The following PDZRN4 variants were observed in gnomAD, a reference collection of about 807,000 sequenced individuals.
PDZRN4 encodes the protein PDZ domain-containing RING finger protein 4.
PDZRN4 carries 70 observed loss-of-function variants against 99.0 expected under a neutral mutation model. The ratio of observed to expected loss-of-function variants is 0.71; its 90% CI spans 0.58 to 0.86. The LOEUF is 0.86. Ranked by LOEUF, PDZRN4 falls within the 40% of genes least tolerant of loss-of-function variation. The pLI is 0.00. For synonymous variants in PDZRN4, 551 were observed against 501.6 expected (o/e 1.10, Z -1.32); for missense variants, 1,474 against 1,331.2 (o/e 1.11, Z -1.67).
intron 3 of PDZRN4, among the ~76,000 whole-genome samples, chr12:41,475,011 C>T (rs746531479): frequency 6.6e-6 from 1 of 152,108 alleles, no homozygotes; most frequent in Non-Finnish European, 1.5e-5. Context: ...GACATAGATA[C>T]CTGAATTTCC....
chr12:41,341,375 A>G (rs931471253), intron 3 of PDZRN4, among the ~76,000 whole-genome samples: 1 of 151,830 alleles, frequency 6.6e-6, no homozygotes, highest in African/African-American at 2.4e-5. Flanking sequence ...GCAAAAAAAG[A>G]AATAAAAGGC....
chr12:41,484,676 C>T (rs770234016), intron 3 of PDZRN4, among the ~76,000 whole-genome samples: 1 of 152,134 alleles, frequency 6.6e-6, no homozygotes, highest in Non-Finnish European at 1.5e-5. Flanking sequence ...ACCAAGGAGT[C>T]CAAAGACCAG....
chr12:41,548,452 G>A (rs1167763944), intron 5 of PDZRN4, among the ~76,000 whole-genome samples: 3 of 152,192 alleles, frequency 2.0e-5, no homozygotes, highest in South Asian at 2.1e-4. Flanking sequence ...AAAAGTGCAT[G>A]TATTGTCTAA....
At chr12:41,454,879 A>G (rs1488933199) in intron 3 of PDZRN4, among the ~76,000 whole-genome samples, 7 of 152,218 alleles carry the variant, frequency 4.6e-5, no homozygotes, top group Non-Finnish European at 1.5e-5. Flanking sequence ...GAAATATTCT[A>G]TATTTGTTCC....
chr12:41,334,142 CT>C (rs1333336242), intron 3 of PDZRN4, among the ~76,000 whole-genome samples: 2 of 152,094 alleles, frequency 1.3e-5, no homozygotes, highest in Non-Finnish European at 2.9e-5. Context: ...ACCTTTGCCT[CT>C]TCATTAGCAT....
intron 5 of PDZRN4, among the ~76,000 whole-genome samples, chr12:41,549,120 G>T (rs1199509848): frequency 6.6e-6 from 1 of 152,140 alleles, no homozygotes; most frequent in Admixed American, 6.6e-5. Flanking sequence ...TGCCATCCAT[G>T]CAGGCTTGGC....
intron 3 of PDZRN4, among the ~76,000 whole-genome samples, chr12:41,430,777 A>G (rs972603231): frequency 3.3e-5 from 5 of 152,246 alleles, no homozygotes; most frequent in African/African-American, 1.2e-4. Context: ...TCATATTGCT[A>G]TAAAGAAATA....
At position 41,454,220 on chromosome 12, in the gene PDZRN4, A is replaced by G. The variant is rs1592065542; in HGVS notation, c.844-52236A>G. On this transcript the variant is annotated intron_variant, in intron 3 of 9. Coordinates refer to ENST00000402685, the MANE Select transcript of PDZRN4 (RefSeq NM_001164595.2). ...CTTTGTGTTCAACAAATTGCAGAAC[A>G]GCAAGATATCTCTGCAATACTCACA... Among the ~76,000 whole-genome samples, 5 of 152,216 alleles carry G rather than the reference A, an allele frequency of 3.3e-5. No individual in the cohort carries two copies. The South Asian group carries it at 1.0e-3, about 32-fold the overall frequency.
intron 3 of PDZRN4, among the ~76,000 whole-genome samples, chr12:41,228,615 G>T (rs1951011056): frequency 6.6e-6 from 1 of 152,102 alleles, no homozygotes; most frequent in Non-Finnish European, 1.5e-5. Context: ...GGCTACCTTT[G>T]TTCTGGGTAT....
intron 3 of PDZRN4, among the ~76,000 whole-genome samples, chr12:41,274,749 C>A (rs555308247): frequency 3.9e-5 from 6 of 152,242 alleles, no homozygotes; most frequent in Non-Finnish European, 7.4e-5. Flanking sequence ...CTAGCATTCC[C>A]TGGCTCAAAC....
At chr12:41,366,386 A>T (rs922033548) in intron 3 of PDZRN4, among the ~76,000 whole-genome samples, 4 of 152,094 alleles carry the variant, frequency 2.6e-5, no homozygotes, top group Non-Finnish European at 5.9e-5. Context: ...GAAAAACTCC[A>T]ATCTATTCAC....
At chr12:41,352,721 C>T (rs748701698) in intron 3 of PDZRN4, among the ~76,000 whole-genome samples, 1 of 152,062 alleles carries the variant, frequency 6.6e-6, no homozygotes, top group Non-Finnish European at 1.5e-5. Context: ...TTAAAACCAA[C>T]TTCCAGGCTA....
At chr12:41,213,493 A>T (rs1260456565) in intron 3 of PDZRN4, among the ~76,000 whole-genome samples, 2 of 152,108 alleles carry the variant, frequency 1.3e-5, no homozygotes, top group Admixed American at 6.6e-5. Flanking sequence ...CCACACTGAC[A>T]GTTCACTTGT....
chr12:41,220,498 C>T (rs1950947779), intron 3 of PDZRN4, among the ~76,000 whole-genome samples: 1 of 152,090 alleles, frequency 6.6e-6, no homozygotes, highest in Non-Finnish European at 1.5e-5. Flanking sequence ...TGTAATTTAG[C>T]ACAGAAGAGA....
At chr12:41,204,514 A>C (rs1417390955) in intron 3 of PDZRN4, among the ~76,000 whole-genome samples, 1 of 151,984 alleles carries the variant, frequency 6.6e-6, no homozygotes, top group Non-Finnish European at 1.5e-5. Context: ...ACTGCCCTAG[A>C]CTGGGGAGGT....
chr12:41,210,352 T>C (rs886806462), intron 3 of PDZRN4, among the ~76,000 whole-genome samples: 1 of 152,090 alleles, frequency 6.6e-6, no homozygotes, highest in East Asian at 1.9e-4. Flanking sequence ...TTTAGTTTAA[T>C]TAGATCCCAT....
chr12:41,214,729 G>A (rs993241062), intron 3 of PDZRN4, among the ~76,000 whole-genome samples: 3 of 151,784 alleles, frequency 2.0e-5, no homozygotes, highest in Admixed American at 1.3e-4. Flanking sequence ...GGAGATTAGG[G>A]CTTAGAGAAA....
chr12:41,284,552 C>T (rs1443537954), intron 3 of PDZRN4, among the ~76,000 whole-genome samples: 1 of 152,128 alleles, frequency 6.6e-6, no homozygotes, highest in Non-Finnish European at 1.5e-5. Context: ...ATATGCCAGA[C>T]AATCCTAAGC....
intron 3 of PDZRN4, among the ~76,000 whole-genome samples, chr12:41,332,614 G>T (rs1951747421): frequency 6.6e-6 from 1 of 151,898 alleles, no homozygotes; most frequent in Admixed American, 6.6e-5. Flanking sequence ...GCTGAAGTTT[G>T]TGTGGTAAGG....
Sources: gnomAD v4.1 joint callset for allele counts (sites outside exome capture counted in the v4.1 genomes callset) on GRCh38, gnomAD v4.1.1 for gene constraint, MANE v1.5 for transcripts, NCBI Gene and HGNC (gene_info 2026-07-23, HGNC 2026-07-21) for gene names.